ZSCAN1: variants seen among roughly 807,000 people sequenced by gnomAD.
ZSCAN1 encodes zinc finger and SCAN domain containing 1.
A neutral mutation model predicts 23.8 loss-of-function variants in ZSCAN1; 23 were observed. That is an observed-to-expected ratio of 0.97 (90% CI 0.70 to 1.37). ZSCAN1 has a LOEUF of 1.37. ZSCAN1 is among the 40% of genes most tolerant of loss of function. The pLI is 0.00. For missense variants in ZSCAN1, 575 were observed against 554.0 expected, an observed-to-expected ratio of 1.04 and a Z score of -0.38; for synonymous variants, 236 against 232.3, an observed-to-expected ratio of 1.02 and a Z score of -0.15.
chr19:58,039,521 GC>G (rs1391704676), intron 3 of ZSCAN1, among the ~76,000 whole-genome samples: 1 of 152,108 alleles, frequency 6.6e-6, no homozygotes, highest in African/African-American at 2.4e-5. Context: ...TGTAATCTCA[GC>G]ACTTTGGGAG....
chr19:58,039,879 G>A (rs761287460), intron 3 of ZSCAN1, among the ~76,000 whole-genome samples: 2 of 151,808 alleles, frequency 1.3e-5, no homozygotes, highest in African/African-American at 2.4e-5. Context: ...AGAGGTGGCC[G>A]TGATCTTGAA....
rs577289203 is a variant in ZSCAN1, at chr19:58,053,973, C to T, written c.1149C>T (p.Ser383=). The T allele has an allele frequency of 1.3e-5, 21 of 1,601,372 alleles. 1 individual carries two copies. Among genetic ancestry groups the T allele is most frequent in the South Asian group, 1.0e-4 (9 of 89,830 alleles). The part of the protein sequence containing the change: ...PRSPKRPFQC[S]VCGKAFPWMV... ...GCCCCAAAAGACCCTTCCAGTGTAG[C>T]GTCTGCGGGAAGGCCTTCCCCTGGA... Residue 383 remains serine, a synonymous_variant, in exon 6 of 6, where the codon AGC becomes AGT. Coordinates refer to ENST00000282326, the MANE Select transcript of ZSCAN1 (RefSeq NM_182572.4). This position sits in a 1 kb window ranked among gnomAD's most constrained non-coding sequence, Gnocchi z 5.8.
intron 3 of ZSCAN1, among the ~76,000 whole-genome samples, chr19:58,039,922 G>T (rs978877762): frequency 2.6e-5 from 4 of 152,114 alleles, no homozygotes; most frequent in Non-Finnish European, 5.9e-5. Context: ...ATAAATAGGG[G>T]GGGGTCTTGC....
intron 2 of ZSCAN1, among the ~76,000 whole-genome samples, 169 bp downstream of exon 2, chr19:58,036,180 G>A (rs936786482): frequency 4.6e-5 from 7 of 152,156 alleles, no homozygotes; most frequent in African/African-American, 9.7e-5. Context: ...TACTGGGCAC[G>A]GTTGAATACT....
chr19:58,046,811 C>T, intron 4 of ZSCAN1: 1 of 737,976 alleles, frequency 1.4e-6, no homozygotes, highest in South Asian at 1.4e-5. Context: ...GCACTGCCAC[C>T]CTGGTGAGGG....
chr19:58,052,438 A>G (rs1227660280), intron 4 of ZSCAN1, 52 bp from the exon 5 acceptor site: 5 of 1,611,776 alleles, frequency 3.1e-6, no homozygotes, highest in Non-Finnish European at 4.2e-6. Context: ...GGTGGTGGGG[A>G]GGATGGCTCC....
intron 4 of ZSCAN1, chr19:58,044,548 G>T: frequency 1.9e-6 from 1 of 539,194 alleles, no homozygotes; most frequent in Non-Finnish European, 3.2e-6. Flanking sequence ...AGGAGGAGGA[G>T]CCAGCGCAGG....
Position 58,053,368 on chromosome 19 carries a change from AC to A in ZSCAN1, c.605-60del. The A allele has an allele frequency of 6.4e-7, 1 of 1,553,946 alleles. No individual in the cohort carries two copies. The highest frequency in any genetic ancestry group is 1.2e-5 in the South Asian group (1 of 81,262). On this transcript the variant is annotated intron_variant, in intron 5 of 5. Coordinates refer to ENST00000282326, the MANE Select transcript of ZSCAN1 (RefSeq NM_182572.4). This position sits in a 1 kb window ranked among gnomAD's most constrained non-coding sequence, Gnocchi z 5.8. ...GGGGTCCTCCGTGCCCCTGGGGAGCACAGGGAGATGCCAAGGCCATCCACTC... is the reference window on the plus strand; with the variant it reads ...GGGGTCCTCCGTGCCCCTGGGGAGCAAGGGAGATGCCAAGGCCATCCACTC...
chr19:58,044,803 T>TG, intron 4 of ZSCAN1: 1 of 729,454 alleles, frequency 1.4e-6, no homozygotes, highest in Non-Finnish European at 2.5e-6. Context: ...CCTCAGCTGT[T>TG]GGACTCTGAG....
At position 58,040,223 on chromosome 19, in the gene ZSCAN1, G is replaced by A. The variant is rs1360012667; in HGVS notation, c.371-227G>A. 6.6e-6 allele frequency among the ~76,000 whole-genome samples: 1 copy of A among 152,190 alleles called. No individual in the cohort carries two copies. The highest frequency in any genetic ancestry group is 1.5e-5 in the Non-Finnish European group (1 of 68,034). On this transcript the variant is annotated intron_variant, in intron 3 of 5. Transcript: ENST00000282326. The surrounding 1 kb of genome is among the most constrained non-coding windows in gnomAD (Gnocchi z 5.8). The stretch of plus-strand genomic sequence containing the variant: ...GCTTCTGGAGGCGCACAGGGGTGTG[G>A]AGTATGAGTGAAGAGGGTACTTGTC...
At position 58,040,854 on chromosome 19, in the gene ZSCAN1, G is replaced by A. The variant is rs967001751; in HGVS notation, c.465+310G>A. ...CTGTGTCACCCGCACCAGATGCTGC[G>A]TGTGTTGAGAAAGTCCTGCTGCCCC... On this transcript the variant is annotated intron_variant, in intron 4 of 5. Transcript: ENST00000282326. The surrounding 1 kb of genome is among the most constrained non-coding windows in gnomAD (Gnocchi z 5.8). Among the ~76,000 whole-genome samples, 8 of 152,178 alleles carry A rather than the reference G, an allele frequency of 5.3e-5. No homozygotes were observed. The highest frequency in any genetic ancestry group is 2.6e-4 in the Admixed American group (4 of 15,280).
chr19:58,043,985 T>C (rs1164013178), intron 4 of ZSCAN1, among the ~76,000 whole-genome samples: 2 of 151,414 alleles, frequency 1.3e-5, no homozygotes, highest in African/African-American at 2.4e-5. Flanking sequence ...TTTCTGACTC[T>C]TGGGGCCGGG....
rs116505691 is a variant in ZSCAN1 at position 58,037,236 on chromosome 19, C to T, written c.-109-492C>T. 2.8e-3 allele frequency among the ~76,000 whole-genome samples: 429 copies of T among 152,204 alleles called. 3 individuals are homozygous for T. The highest frequency in any genetic ancestry group is 0.01 in the African/African-American group (419 of 41,504). ...AGTTCCTATTTCAGGTGCTCCTAGCCACACGTAGGTGGTTGCATGGGTAGA... is the reference window on the plus strand; with the variant it reads ...AGTTCCTATTTCAGGTGCTCCTAGCTACACGTAGGTGGTTGCATGGGTAGA... On this transcript the variant is annotated intron_variant, in intron 2 of 5. Transcript: ENST00000282326.
chr19:58,048,788 T>G (rs1233816478), intron 4 of ZSCAN1, among the ~76,000 whole-genome samples: 3 of 152,068 alleles, frequency 2.0e-5, no homozygotes, highest in African/African-American at 4.8e-5. Context: ...GGGGTCTCAC[T>G]CTGTCACCCA....
chr19:58,054,007 C>CTGGTGG lies in ZSCAN1; in HGVS notation c.1184_1185insGGTGGT (p.Leu395_Ile396insValVal). The CTGGTGG allele has an allele frequency of 6.4e-7, 1 of 1,557,468 alleles. No homozygotes were observed. The highest frequency in any genetic ancestry group is 1.9e-5 in the Admixed American group (1 of 51,920). On this transcript the variant is annotated inframe_insertion, in exon 6 of 6. Coordinates refer to ENST00000282326, the MANE Select transcript of ZSCAN1 (RefSeq NM_182572.4). The surrounding 1 kb of genome is among the most constrained non-coding windows in gnomAD (Gnocchi z 4.2). ...GAAGGCCTTCCCCTGGATGGTCCAC[C>CTGGTGG]TCATTGACCACCAGAAGCTCCACAC...
Position 58,038,077 on chromosome 19 carries a change from C to T in ZSCAN1, c.241C>T (p.Leu81=). The T allele has an allele frequency of 2.5e-6, 4 of 1,611,774 alleles. No homozygotes were observed. The highest frequency in any genetic ancestry group is 3.4e-6 in the Non-Finnish European group (4 of 1,179,840). ...ARSKEQMLEL[L]VLEQFLGALP... ...CTCCAAGGAGCAGATGCTGGAGCTG[C>T]TGGTGCTGGAGCAGTTCCTGGGCGC... Residue 81 remains leucine, a synonymous_variant, in exon 3 of 6, where the codon CTG becomes TTG. Transcript: ENST00000282326.
In ZSCAN1 at chr19:58,053,569, C is replaced by T. The variant is rs371432078; in HGVS notation, c.745C>T (p.Arg249Ter). 181 of 1,614,000 alleles carry T rather than the reference C, an allele frequency of 1.1e-4. No individual in the cohort carries two copies. In the Admixed American group the frequency reaches 1.9e-3, roughly 17 times the overall value. ...TCCAAGTGCTCAGAGAATCAGTCCC[C>T]GAAGGAGAAACAGGAACACTGACCA... ...KGPSAQRISP[R>*]RRNRNTDQSG... The change falls in exon 6 of 6, where the codon CGA becomes TGA. Residue 249 changes from arginine to a stop codon, truncating the protein, a stop_gained. Transcript: ENST00000282326. LOFTEE classifies it low-confidence loss of function (END_TRUNC). This position sits in a 1 kb window ranked among gnomAD's most constrained non-coding sequence, Gnocchi z 5.8.
At chr19:58,050,019 G>A (rs187947587) in intron 4 of ZSCAN1, among the ~76,000 whole-genome samples, 1 of 151,920 alleles carries the variant, frequency 6.6e-6, no homozygotes. Flanking sequence ...TTGTGTGTGG[G>A]TAGTGGGAGG....
rs1367717708 is a variant in ZSCAN1, at chr19:58,040,012, G to T, written c.371-438G>T. On this transcript the variant is annotated intron_variant, in intron 3 of 5. Coordinates refer to ENST00000282326, the MANE Select transcript of ZSCAN1 (RefSeq NM_182572.4). This position sits in a 1 kb window ranked among gnomAD's most constrained non-coding sequence, Gnocchi z 5.8. ...GCCTCCCAAAGTGCTGGGATTACTG[G>T]TGTGAGCCACCACGCCTGGCCTGGT... 6.6e-6 allele frequency among the ~76,000 whole-genome samples: 1 copy of T among 152,152 alleles called. No homozygotes were observed. The highest frequency in any genetic ancestry group is 1.5e-5 in the Non-Finnish European group (1 of 68,032).
Sources: gnomAD v4.1 joint callset for allele counts (sites outside exome capture counted in the v4.1 genomes callset) on GRCh38, gnomAD v4.1.1 for gene constraint, Gnocchi (gnomAD v3.1) non-coding constraint, MANE v1.5 for transcripts, NCBI Gene and HGNC (gene_info 2026-07-23, HGNC 2026-07-21) for gene names.